The following KCNK10 variants were observed in gnomAD, a reference collection of about 807,000 sequenced individuals.
The protein encoded by KCNK10 is potassium channel subfamily K member 10.
A neutral mutation model predicts 47.7 loss-of-function variants in KCNK10; 25 were observed. That is an observed-to-expected ratio of 0.52 (90% CI 0.38 to 0.73). The LOEUF is 0.73. KCNK10 is among the 30% of genes least tolerant of loss of function. The probability of loss-of-function intolerance (pLI) is 0.00; values close to 1 mark genes in which losing one functional copy is unlikely to be tolerated. For missense variants in KCNK10, 563 were observed against 714.5 expected, an observed-to-expected ratio of 0.79 and a Z score of 2.42; for synonymous variants, 303 against 285.6, an observed-to-expected ratio of 1.06 and a Z score of -0.61.
At position 88,319,432 on chromosome 14, in the gene KCNK10, C is replaced by CT. The variant is rs569071285; in HGVS notation, c.52+3314dup. On this transcript the variant is annotated intron_variant, in intron 1 of 6. Transcript: ENST00000319231. Reference sequence around the variant, plus strand: ...ACTGTCTCTCCACTTTCCCCTAATACTGCTGGGCTCCCCTTCATCTTTTCC... The same window carrying CT: ...ACTGTCTCTCCACTTTCCCCTAATACTTGCTGGGCTCCCCTTCATCTTTTCC... 1.3e-3 allele frequency among the ~76,000 whole-genome samples: 201 copies of CT among 152,316 alleles called. 4 individuals carry two copies. In the East Asian group the frequency reaches 0.03, roughly 22 times the overall value.
intron 2 of KCNK10, among the ~76,000 whole-genome samples, chr14:88,253,136 G>A (rs1049830791): frequency 6.6e-6 from 1 of 152,170 alleles, no homozygotes; most frequent in African/African-American, 2.4e-5. Context: ...AGAGGCAAAT[G>A]AAGCTAAGTA....
chr14:88,257,122 C>T (rs1886978753), intron 2 of KCNK10, among the ~76,000 whole-genome samples: 1 of 152,128 alleles, frequency 6.6e-6, no homozygotes, highest in African/African-American at 2.4e-5. Flanking sequence ...TTAAATATAG[C>T]CTTTTCTCTA....
rs536388647 is a variant in KCNK10 at position 88,257,551 on chromosome 14, G to A, written c.402+5651C>T. 3.9e-5 allele frequency among the ~76,000 whole-genome samples: 6 copies of A among 152,344 alleles called. No homozygotes were observed. The South Asian group carries it at 1.2e-3, about 32-fold the overall frequency. The stretch of plus-strand genomic sequence containing the variant: ...AATCCCTCCCAGATATCGTGTTTCT[G>A]TTCCAGTGCATGGTGGTTCAGAGCC... On this transcript the variant is annotated intron_variant, in intron 2 of 6. Transcript: ENST00000319231.
At chr14:88,304,011 A>G (rs1888158902) in intron 1 of KCNK10, among the ~76,000 whole-genome samples, 1 of 152,104 alleles carries the variant, frequency 6.6e-6, no homozygotes, top group Non-Finnish European at 1.5e-5. Flanking sequence ...CCATCTCATT[A>G]GCATCTCAAT....
At chr14:88,247,926 A>C (rs1233455914) in intron 2 of KCNK10, among the ~76,000 whole-genome samples, 2 of 152,244 alleles carry the variant, frequency 1.3e-5, no homozygotes, top group East Asian at 3.8e-4. Context: ...GGATGAAATA[A>C]GACAAATTTT....
chr14:88,198,672 C>G (rs1214157887), intron 4 of KCNK10, among the ~76,000 whole-genome samples: 3 of 152,086 alleles, frequency 2.0e-5, no homozygotes, highest in African/African-American at 7.2e-5. Flanking sequence ...ATAGGGAGCT[C>G]CACCTGCTGC....
chr14:88,248,953 A>G (rs909391944), intron 2 of KCNK10, among the ~76,000 whole-genome samples: 2 of 152,148 alleles, frequency 1.3e-5, no homozygotes, highest in East Asian at 3.9e-4. Flanking sequence ...TCCTCACAAA[A>G]TCCTGTGAGG....
chr14:88,296,074 T>C (rs151230035), intron 1 of KCNK10, among the ~76,000 whole-genome samples: 4 of 152,324 alleles, frequency 2.6e-5, no homozygotes, highest in Admixed American at 1.3e-4. Context: ...CAGGTATTGG[T>C]AGAATCTTGC....
chr14:88,240,851 A>G (rs777123882), intron 2 of KCNK10, 31 bp from the exon 3 acceptor site: 1 of 1,333,082 alleles, frequency 7.5e-7, no homozygotes, highest in South Asian at 1.3e-5. Context: ...CATAAGACTC[A>G]GTTTAAAAGT....
chr14:88,321,991 C>T (rs1038511022), intron 1 of KCNK10, among the ~76,000 whole-genome samples: 2 of 152,170 alleles, frequency 1.3e-5, no homozygotes, highest in African/African-American at 4.8e-5. Flanking sequence ...GCTAGGCACA[C>T]ACAAATCCGT....
intron 4 of KCNK10, among the ~76,000 whole-genome samples, chr14:88,207,365 G>A (rs904006436): frequency 1.2e-4 from 18 of 152,094 alleles, no homozygotes; most frequent in Admixed American, 1.1e-3. Context: ...TAGAGGAGAC[G>A]GGGTTTCACC....
chr14:88,246,043 T>A (rs556105106), intron 2 of KCNK10, among the ~76,000 whole-genome samples: 1 of 152,048 alleles, frequency 6.6e-6, no homozygotes, highest in African/African-American at 2.4e-5. Context: ...GATGAGGGCA[T>A]GAATGTGGAA....
chr14:88,225,887 G>A (rs1885968869), intron 4 of KCNK10, among the ~76,000 whole-genome samples: 1 of 152,344 alleles, frequency 6.6e-6, no homozygotes, highest in Non-Finnish European at 1.5e-5. Context: ...CAGGGAAGCT[G>A]AGCACTGATG....
Position 88,185,884 on chromosome 14 carries a change from A to G in KCNK10, c.1283T>C (p.Leu428Pro). 6.2e-7 allele frequency: 1 copy of G among 1,612,996 alleles called. No individual in the cohort carries two copies. Among genetic ancestry groups the G allele is most frequent in the Non-Finnish European group, 8.5e-7 (1 of 1,179,656 alleles). The change falls in exon 7 of 7, where the codon CTG becomes CCG. Residue 428 changes from leucine to proline, a missense_variant. Transcript: ENST00000319231. This position sits in a 1 kb window ranked among gnomAD's most constrained non-coding sequence, Gnocchi z 4.3. ...CAGCTGCTCCGGCCCCTTCAGGCGC[A>G]GGTTGTTGGGCCGGTTGTTGATGCT... ...QESINNRPNN[L>P]RLKGPEQLNK...
intron 3 of KCNK10, among the ~76,000 whole-genome samples, chr14:88,239,745 G>A (rs1375135542): frequency 6.6e-6 from 1 of 151,960 alleles, no homozygotes; most frequent in Non-Finnish European, 1.5e-5. Context: ...TGTAATCCCA[G>A]CTACTCAGGA....
chr14:88,209,368 A>G (rs1266736434), intron 4 of KCNK10, among the ~76,000 whole-genome samples: 1 of 152,220 alleles, frequency 6.6e-6, no homozygotes, highest in Non-Finnish European at 1.5e-5. Context: ...CGTATGTGGT[A>G]AGATCACATG....
intron 4 of KCNK10, among the ~76,000 whole-genome samples, chr14:88,220,100 T>C (rs1885748803): frequency 6.6e-6 from 1 of 152,184 alleles, no homozygotes; most frequent in Non-Finnish European, 1.5e-5. Context: ...ATTGGAGGAC[T>C]GACACTAACT....
At chr14:88,227,342 G>T in intron 4 of KCNK10, 33 bp downstream of exon 4, 1 of 1,555,648 alleles carries the variant, frequency 6.4e-7, no homozygotes, top group Non-Finnish European at 8.7e-7. Context: ...CTGGATCACA[G>T]TGGTTAGAAT....
intron 1 of KCNK10, among the ~76,000 whole-genome samples, chr14:88,310,088 C>A (rs559863273): frequency 1.7e-4 from 24 of 137,694 alleles, no homozygotes; most frequent in African/African-American, 1.1e-4. Context: ...TAGTTTGTTA[C>A]CCTGAGGAAC....
Sources: allele counts gnomAD v4.1 joint callset (sites outside exome capture counted in the v4.1 genomes callset), GRCh38; gene constraint gnomAD v4.1.1; non-coding constraint Gnocchi (gnomAD v3.1); transcripts MANE v1.5; gene names NCBI Gene and HGNC (gene_info 2026-07-23, HGNC 2026-07-21).